RYR1: variants seen among roughly 807,000 people sequenced by gnomAD.
RYR1 encodes the protein central core disease of muscle.
In RYR1, 342 loss-of-function variants were observed where a neutral mutation model predicts 583.5. The ratio of observed to expected loss-of-function variants is 0.59; its 90% CI spans 0.54 to 0.64. RYR1 has a LOEUF of 0.64. Among genes scored for constraint, RYR1 ranks in the 30% least tolerant of loss-of-function variants. The pLI is 0.00. For missense variants in RYR1, 6,032 were observed against 6,917.2 expected, an observed-to-expected ratio of 0.87 and a Z score of 4.54; for synonymous variants, 2,791 against 2,822.5, an observed-to-expected ratio of 0.99 and a Z score of 0.35.
At chr19:38,434,299 G>GGAGCTGGAGT (rs1173780018) in intron 1 of RYR1, among the ~76,000 whole-genome samples, 3 of 152,008 alleles carry the variant, frequency 2.0e-5, no homozygotes, top group African/African-American at 7.3e-5. Flanking sequence ...TCTTGAGAAG[G>GGAGCTGGAGT]GAGCTGGAGT....
In RYR1 at chr19:38,537,925, G is replaced by A. The variant is rs1972044353; in HGVS notation, c.11654G>A (p.Arg3885Gln). ...GATGAATTCACACAAGACCTGTTCC[G>A]ATTCCTACAATTGCTCTGTGAGGGG... ...ADDEFTQDLF[R>Q]FLQLLCEGHN... Residue 3885 changes from arginine to glutamine, a missense_variant, in exon 84 of 106, where the codon CGA becomes CAA. Physicochemically the swap from Arg to Gln is conservative, Grantham distance 43. Coordinates refer to ENST00000359596, the MANE Select transcript of RYR1 (RefSeq NM_000540.3). The A allele has an allele frequency of 2.6e-6, 4 of 1,525,096 alleles. No homozygotes were observed. Among genetic ancestry groups the A allele is most frequent in the Non-Finnish European group, 2.7e-6 (3 of 1,124,494 alleles). The allele number at this position is 1,525,096 out of a possible 1,614,324, so 94.5% of individuals were successfully genotyped here. A position where few individuals can be genotyped will look rare whatever the true frequency, so the allele number is the denominator to read the frequency against.
Position 38,460,547 on chromosome 19 carries a change from C to G in RYR1, c.2533C>G (p.Leu845Val). Reference protein sequence around the residue: ...GPHLVGPSRCLSHTDFVPCPV... With the variant: ...GPHLVGPSRCVSHTDFVPCPV... Reference sequence around the variant, plus strand: ...TCACCTGGTGGGCCCCAGTCGCTGCCTCTCACACACCGACTTCGTGCCCTG... The same window carrying G: ...TCACCTGGTGGGCCCCAGTCGCTGCGTCTCACACACCGACTTCGTGCCCTG... Residue 845 changes from leucine (L) to valine (V), a missense_variant, in exon 20 of 106, where the codon CTC (leucine) becomes GTC (valine). Coordinates refer to ENST00000359596, the MANE Select transcript of RYR1 (RefSeq NM_000540.3). The G allele has an allele frequency of 6.2e-7, 1 of 1,613,920 alleles. No individual in the cohort carries two copies. The highest frequency in any genetic ancestry group is 8.5e-7 in the Non-Finnish European group (1 of 1,180,044).
At chr19:38,536,155 G>C in intron 82 of RYR1, 85 bp downstream of exon 82, 4 of 1,020,536 alleles carry the variant, frequency 3.9e-6, no homozygotes, top group Non-Finnish European at 5.2e-6. Context: ...CCATTGCCCA[G>C]AGCTCCCTTC....
intron 76 of RYR1, among the ~76,000 whole-genome samples, chr19:38,531,132 C>G (rs1238683144): frequency 6.6e-6 from 1 of 152,124 alleles, no homozygotes; most frequent in South Asian, 2.1e-4. Flanking sequence ...CCGCGCCCAG[C>G]CTTCTTTGGT....
rs756575698 is a variant in RYR1 at position 38,504,731 on chromosome 19, T to C, written c.8068-17T>C. Reference sequence around the variant, plus strand: ...CTTATAGCGACCTCCTACCCCTGCTTCACCCGGTTTTCCCAGAAATACGAC... The same window carrying C: ...CTTATAGCGACCTCCTACCCCTGCTCCACCCGGTTTTCCCAGAAATACGAC... On this transcript the variant is annotated splice_polypyrimidine_tract_variant and intron_variant, in intron 50 of 105. Transcript: ENST00000359596. 1.2e-6 allele frequency: 2 copies of C among 1,613,786 alleles called. No homozygotes were observed. The highest frequency in any genetic ancestry group is 8.5e-7 in the Non-Finnish European group (1 of 1,179,984).
rs775422233 is a variant in RYR1 at position 38,502,731 on chromosome 19, G to A, written c.7835+4G>A. ...ACTGCCTCATGTCGCTCTGCAGGTG[G>A]AGCGGGGCAGGCTTCAGGGTGGGGC... On this transcript the variant is annotated splice_donor_region_variant and intron_variant, in intron 48 of 105. Transcript: ENST00000359596. 1 of 1,572,830 alleles carries A rather than the reference G, an allele frequency of 6.4e-7. No homozygotes were observed. The highest frequency in any genetic ancestry group is 8.6e-7 in the Non-Finnish European group (1 of 1,161,566).
chr19:38,566,167 A>T (rs914757986), intron 91 of RYR1, among the ~76,000 whole-genome samples: 8 of 151,792 alleles, frequency 5.3e-5, no homozygotes, highest in African/African-American at 1.9e-4. Flanking sequence ...ACCAAAACTA[A>T]GCCAGGCGCG....
At position 38,495,889 on chromosome 19, in the gene RYR1, C is replaced by T. The variant is rs144614891; in HGVS notation, c.6549-326C>T. Among the ~76,000 whole-genome samples the T allele has an allele frequency of 4.1e-3, 621 of 152,188 alleles. 8 individuals are homozygous for T. Among genetic ancestry groups the T allele is most frequent in the African/African-American group, 0.014 (591 of 41,544 alleles). ...GCGATTCTCCCACCTCAGCCTCCTG[C>T]GTAGCTGGGATTACGGGTATGCGCC... is the stretch of plus-strand genomic sequence containing the variant. On this transcript the variant is annotated intron_variant, in intron 39 of 105. Transcript: ENST00000359596.
rs745997055 is a variant in RYR1, at chr19:38,515,008, G to T, written c.9473-18G>T. The stretch of plus-strand genomic sequence containing the variant: ...TCTTGTGAGCGCATGCCGCAGCCTC[G>T]CCCCCTGTCTCCCTCAGTGGACGAC... On this transcript the variant is annotated intron_variant, in intron 63 of 105. Transcript: ENST00000359596. 1 of 1,600,644 alleles carries T rather than the reference G, an allele frequency of 6.2e-7. No homozygotes were observed. Among genetic ancestry groups the T allele is most frequent in the Non-Finnish European group, 8.6e-7 (1 of 1,169,524 alleles).
At chr19:38,492,408 A>T (rs1310640299) in intron 37 of RYR1, 82 bp from the exon 38 acceptor site, 42 of 1,495,076 alleles carry the variant, frequency 2.8e-5, no homozygotes. Flanking sequence ...ATGCATGCAC[A>T]TATGCACAAA....
At chr19:38,455,429 C>G (rs1568447865) in intron 14 of RYR1, 22 bp from the exon 15 acceptor site, 1 of 1,614,148 alleles carries the variant, frequency 6.2e-7, no homozygotes, top group South Asian at 1.1e-5. Flanking sequence ...CCTATTGGAT[C>G]TGACACCTCT....
chr19:38,511,938 G>C, intron 61 of RYR1, 134 bp from the exon 62 acceptor site: 1 of 1,054,606 alleles, frequency 9.5e-7, no homozygotes, highest in Non-Finnish European at 1.4e-6. Flanking sequence ...GTCTGGGGGG[G>C]TGGGGGTGCA....
chr19:38,477,577 G>C, intron 29 of RYR1, 133 bp from the exon 30 acceptor site: 3 of 1,018,902 alleles, frequency 2.9e-6, no homozygotes, highest in Non-Finnish European at 4.6e-6. Context: ...CAGGGGGTGG[G>C]GGACTCAGAT....
chr19:38,532,949 G>T (rs1971808676), intron 78 of RYR1, among the ~76,000 whole-genome samples: 1 of 151,460 alleles, frequency 6.6e-6, no homozygotes, highest in African/African-American at 2.4e-5. Flanking sequence ...GTCAGGGCTG[G>T]AATTGGGGAG....
In RYR1 at chr19:38,523,054, C is replaced by G. The variant is rs946806650; in HGVS notation, c.10286C>G (p.Pro3429Arg). Residue 3429 changes from proline (P) to arginine (R), a missense_variant, in exon 68 of 106, where the codon CCC (proline) becomes CGC (arginine). Physicochemically the swap from Pro to Arg is moderately radical, Grantham distance 103. This residue lies in a region of RYR1 where 1,493 missense variants were observed against 1,715.5 expected (regional missense o/e 0.87). Transcript: ENST00000359596. The stretch of plus-strand genomic sequence containing the variant: ...GCGCAGTGGCTGACGGAGCCGAATC[C>G]CAGCGCGGAGGAGCTGTTCAGGATG... ...NRAQWLTEPN[P>R]SAEELFRMVG... The G allele has an allele frequency of 3.7e-6, 6 of 1,609,006 alleles. No homozygotes were observed. The highest frequency in any genetic ancestry group is 4.2e-6 in the Non-Finnish European group (5 of 1,178,630).
chr19:38,541,504 A>AG (rs1314998046), intron 84 of RYR1, among the ~76,000 whole-genome samples: 40 of 152,066 alleles, frequency 2.6e-4, no homozygotes, highest in African/African-American at 3.4e-4. Flanking sequence ...TCACAAGGTC[A>AG]GGAGTTGGAG....
At chr19:38,461,742 AAAGGG>A (rs1967762381) in intron 20 of RYR1, among the ~76,000 whole-genome samples, 6 of 125,240 alleles carry the variant, frequency 4.8e-5, no homozygotes, top group African/African-American at 1.5e-4. Flanking sequence ...AAAAAAAAAG[AAAGGG>A]AGAGAGAGAG....
chr19:38,485,589 G>A lies in RYR1; in HGVS notation c.4935-1G>A. ...CTGTCTGTTTCCCACCTCTGCTGCA[G>A]GTGCATGGACATCCTGGAGCTGTCG... On this transcript the variant is annotated splice_acceptor_variant, in intron 33 of 105. Transcript: ENST00000359596. LOFTEE classifies it high-confidence loss of function. 6.2e-7 allele frequency: 1 copy of A among 1,608,732 alleles called. No individual in the cohort carries two copies. Among genetic ancestry groups the A allele is most frequent in the Non-Finnish European group, 8.5e-7 (1 of 1,179,972 alleles).
chr19:38,451,702 G>A (rs923156679), intron 11 of RYR1, 62 bp from the exon 12 acceptor site: 13 of 1,607,926 alleles, frequency 8.1e-6, no homozygotes, highest in African/African-American at 4.0e-5. Context: ...CTAGACAGAC[G>A]TCTTGGGGGC....
Sources: allele counts gnomAD v4.1 joint callset (sites outside exome capture counted in the v4.1 genomes callset), GRCh38; gene constraint gnomAD v4.1.1; regional missense constraint gnomAD v4.1.1; transcripts MANE v1.5; gene names NCBI Gene and HGNC (gene_info 2026-07-23, HGNC 2026-07-21).